Variants in TNIK observed in about 807,000 individuals in gnomAD.
The protein encoded by TNIK is TRAF2 and NCK-interacting protein kinase.
A neutral mutation model predicts 191.3 loss-of-function variants in TNIK; 49 were observed. That is an observed-to-expected ratio of 0.26 (90% CI 0.20 to 0.32). The LOEUF (loss-of-function observed/expected upper bound fraction) is 0.32. Among genes scored for constraint, TNIK ranks in the 10% least tolerant of loss-of-function variants. The pLI, the probability that TNIK is intolerant of heterozygous loss-of-function variation, is 1.00. For synonymous variants in TNIK, 594 were observed against 600.9 expected, an observed-to-expected ratio of 0.99 and a Z score of 0.17; for missense variants, 1,155 against 1,702.3, an observed-to-expected ratio of 0.68 and a Z score of 5.66.
intron 4 of TNIK, among the ~76,000 whole-genome samples, chr3:171,202,731 T>C (rs1739568873): frequency 6.6e-6 from 1 of 152,220 alleles, no homozygotes; most frequent in Non-Finnish European, 1.5e-5. Flanking sequence ...AAGTTACGTG[T>C]AGCTTCAGAT....
chr3:171,337,958 G>T (rs927692585), intron 2 of TNIK, among the ~76,000 whole-genome samples: 1 of 152,152 alleles, frequency 6.6e-6, no homozygotes, highest in Non-Finnish European at 1.5e-5. Flanking sequence ...TACCATCCTA[G>T]CATAAGCAGA....
rs573971000 is a variant in TNIK, at chr3:171,071,247, C to T, written c.3525G>A (p.Pro1175=). ...CCTTAAATGCCATGAATTTATGATA[C>T]GGTTTAGGAGCCCAAGCATATATTT... ...AVEIYAWAPK[P]YHKFMAFKSF... is the part of the protein sequence containing the mutation. Residue 1175 remains proline (P), a synonymous_variant, in exon 29 of 33, where the codon CCG becomes CCA. Coordinates refer to ENST00000436636, the MANE Select transcript of TNIK (RefSeq NM_015028.4). 1.1e-4 allele frequency: 170 copies of T among 1,603,816 alleles called. No homozygotes were observed. The East Asian group carries it at 2.0e-3, about 19-fold the overall frequency.
intron 27 of TNIK, among the ~76,000 whole-genome samples, chr3:171,081,825 C>T (rs188729813): frequency 9.4e-4 from 142 of 151,858 alleles, no homozygotes; most frequent in African/African-American, 3.3e-3. Flanking sequence ...CCTGCCAAAA[C>T]ATCAGTGGGC....
chr3:171,080,211 A>T (rs962366131), intron 27 of TNIK, among the ~76,000 whole-genome samples: 11 of 152,344 alleles, frequency 7.2e-5, no homozygotes, highest in African/African-American at 2.4e-4. Flanking sequence ...TCCGTTTGGT[A>T]AAGTGATCTT....
At chr3:171,307,257 C>G (rs1222433062) in intron 2 of TNIK, among the ~76,000 whole-genome samples, 2 of 152,104 alleles carry the variant, frequency 1.3e-5, no homozygotes, top group African/African-American at 4.8e-5. Flanking sequence ...TGGGCAGAAT[C>G]TCAAAAGCTG....
chr3:171,101,523 GCTA>G lies in TNIK; in HGVS notation c.2514_2516del (p.Ser839del). Reference sequence around the variant, plus strand: ...TCTCTCCATCTTCCTCCTCTTCCTCGCTACTTTCTGACTCCTCACTGGAGGAGG... The same window carrying G: ...TCTCTCCATCTTCCTCCTCTTCCTCGCTTTCTGACTCCTCACTGGAGGAGG... On this transcript the variant is annotated inframe_deletion, in exon 22 of 33. Transcript: ENST00000436636. 6.2e-7 allele frequency: 1 copy of G among 1,613,272 alleles called. No individual in the cohort carries two copies. Among genetic ancestry groups the G allele is most frequent in the Non-Finnish European group, 8.5e-7 (1 of 1,179,544 alleles).
intron 21 of TNIK, among the ~76,000 whole-genome samples, chr3:171,106,057 T>A (rs1326929892): frequency 2.0e-5 from 3 of 152,132 alleles, no homozygotes; most frequent in African/African-American, 4.8e-5. Context: ...TCAACTATGA[T>A]CATAACTGTC....
At chr3:171,353,556 A>T (rs555832400) in intron 2 of TNIK, among the ~76,000 whole-genome samples, 3 of 152,194 alleles carry the variant, frequency 2.0e-5, no homozygotes, top group African/African-American at 4.8e-5. Context: ...TTTTAAAGAG[A>T]CACATTAACA....
chr3:171,187,449 G>A (rs987248569), intron 7 of TNIK, among the ~76,000 whole-genome samples: 28 of 152,124 alleles, frequency 1.8e-4, no homozygotes, highest in African/African-American at 6.8e-4. Flanking sequence ...ATTCCCAAAA[G>A]AGGCAAATTT....
At chr3:171,114,704 CAACTT>C (rs981613258) in intron 18 of TNIK, among the ~76,000 whole-genome samples, 10 of 152,174 alleles carry the variant, frequency 6.6e-5, no homozygotes, top group African/African-American at 2.2e-4. Flanking sequence ...GTTGCTAAGT[CAACTT>C]AACAGTAAAA....
At chr3:171,271,324 C>G (rs1560351247) in intron 2 of TNIK, among the ~76,000 whole-genome samples, 1 of 152,178 alleles carries the variant, frequency 6.6e-6, no homozygotes, top group East Asian at 1.9e-4. Flanking sequence ...GGCTTCACTC[C>G]AAGATCATAA....
At chr3:171,140,596 A>T in intron 12 of TNIK, 87 bp from the exon 13 acceptor site, 1 of 1,243,382 alleles carries the variant, frequency 8.0e-7, no homozygotes, top group Non-Finnish European at 1.2e-6. Context: ...GTTGAACCCC[A>T]GACATGAACT....
chr3:171,141,446 T>C (rs1576943111), intron 12 of TNIK, among the ~76,000 whole-genome samples: 1 of 152,310 alleles, frequency 6.6e-6, no homozygotes, highest in African/African-American at 2.4e-5. Flanking sequence ...AGTATCTGGC[T>C]CTTCATTATA....
At chr3:171,349,644 T>C (rs184736736) in intron 2 of TNIK, among the ~76,000 whole-genome samples, 1 of 152,350 alleles carries the variant, frequency 6.6e-6, no homozygotes, top group Non-Finnish European at 1.5e-5. Context: ...TCTAGGGTCC[T>C]GTCAAAACAG....
intron 1 of TNIK, among the ~76,000 whole-genome samples, chr3:171,370,369 G>A (rs1388451842): frequency 1.3e-5 from 2 of 152,172 alleles, no homozygotes; most frequent in African/African-American, 4.8e-5. Flanking sequence ...CCAATCAGTT[G>A]TCCACTAACC....
intron 1 of TNIK, among the ~76,000 whole-genome samples, chr3:171,395,878 A>G (rs978994426): frequency 1.3e-5 from 2 of 152,274 alleles, no homozygotes; most frequent in African/African-American, 4.8e-5. Context: ...AGCCCAGGGT[A>G]ATGTCTTGAA....
intron 17 of TNIK, among the ~76,000 whole-genome samples, 188 bp from the exon 18 acceptor site, chr3:171,123,890 G>A (rs568967759): frequency 1.2e-3 from 181 of 152,140 alleles, no homozygotes; most frequent in African/African-American, 4.2e-3. Context: ...AGGTCTACTG[G>A]CAAAAAACAA....
intron 1 of TNIK, among the ~76,000 whole-genome samples, chr3:171,402,059 A>G (rs1321080174): frequency 6.6e-6 from 1 of 152,226 alleles, no homozygotes; most frequent in Non-Finnish European, 1.5e-5. Context: ...AATGCTAATA[A>G]TCATATATTT....
intron 1 of TNIK, among the ~76,000 whole-genome samples, chr3:171,414,197 A>T (rs1184401078): frequency 6.6e-6 from 1 of 152,246 alleles, no homozygotes; most frequent in Non-Finnish European, 1.5e-5. Flanking sequence ...GAAACTCAAG[A>T]TTCCCCAGAT....
Sources: gnomAD v4.1 joint callset for allele counts (sites outside exome capture counted in the v4.1 genomes callset) on GRCh38, gnomAD v4.1.1 for gene constraint, MANE v1.5 for transcripts, NCBI Gene and HGNC (gene_info 2026-07-23, HGNC 2026-07-21) for gene names.